The following ITGB8 variants were observed in gnomAD, a reference collection of about 807,000 sequenced individuals.
ITGB8 encodes the protein integrin beta-8.
Under a neutral mutation model 89.5 loss-of-function variants are expected in ITGB8, and 30 were observed. The ratio of observed to expected loss-of-function variants is 0.34; its 90% CI spans 0.25 to 0.45. The LOEUF (loss-of-function observed/expected upper bound fraction) is 0.45, where lower values mean the gene tolerates loss of function less well. Among genes scored for constraint, ITGB8 ranks in the 20% least tolerant of loss-of-function variants. The pLI, the probability that ITGB8 is intolerant of heterozygous loss-of-function variation, is 1.00. For synonymous variants in ITGB8, 335 were observed against 320.4 expected (o/e 1.05, Z -0.49); for missense variants, 836 against 933.3 (o/e 0.90, Z 1.36).
At chr7:20,403,660 G>A (rs560893505) in intron 10 of ITGB8, among the ~76,000 whole-genome samples, 2 of 152,112 alleles carry the variant, frequency 1.3e-5, no homozygotes, top group South Asian at 4.2e-4. Flanking sequence ...TGGTCCTACA[G>A]TAGAATCTGT....
At chr7:20,401,304 A>G (rs1787302069) in intron 9 of ITGB8, among the ~76,000 whole-genome samples, 1 of 152,160 alleles carries the variant, frequency 6.6e-6, no homozygotes, top group Non-Finnish European at 1.5e-5. Flanking sequence ...AAACCAGTAG[A>G]GCAGAAGCCC....
chr7:20,352,746 A>C (rs558591026), intron 1 of ITGB8: 2 of 152,316 alleles, frequency 1.3e-5, no homozygotes, highest in African/African-American at 4.8e-5. Flanking sequence ...TCATTCAACA[A>C]CACCAGAATA....
chr7:20,407,401 C>A (rs76212437), intron 12 of ITGB8, among the ~76,000 whole-genome samples: 5 of 151,654 alleles, frequency 3.3e-5, no homozygotes, highest in Non-Finnish European at 5.9e-5. Context: ...GAACCCAGAA[C>A]CTTACTTTGC....
rs1159160472 is a variant in ITGB8, at chr7:20,409,991, C to T, written c.2304C>T (p.Asn768=). 6.2e-7 allele frequency: 1 copy of T among 1,605,486 alleles called. No individual in the cohort carries two copies. The highest frequency in any genetic ancestry group is 8.5e-7 in the Non-Finnish European group (1 of 1,177,664). Residue 768 remains asparagine (N), a synonymous_variant, in exon 14 of 14, where the codon AAC becomes AAT. Coordinates refer to ENST00000222573, the MANE Select transcript of ITGB8 (RefSeq NM_002214.3). ...KLNAHETFRC[N]F is the part of the protein sequence containing the mutation. ...ATGCTCATGAAACTTTCAGGTGCAACTTCTAAAAAAAGATTTTTAAACACT... is the reference window on the plus strand; with the variant it reads ...ATGCTCATGAAACTTTCAGGTGCAATTTCTAAAAAAAGATTTTTAAACACT...
chr7:20,342,177 G>A (rs1013303906), intron 1 of ITGB8, among the ~76,000 whole-genome samples: 45 of 152,286 alleles, frequency 3.0e-4, no homozygotes, highest in African/African-American at 1.0e-3. Flanking sequence ...AAGCTCCAGA[G>A]GACGTAAGAA....
intron 3 of ITGB8, among the ~76,000 whole-genome samples, chr7:20,376,384 C>A (rs1786145280): frequency 6.6e-6 from 1 of 152,050 alleles, no homozygotes; most frequent in South Asian, 2.1e-4. Context: ...AAAATTATGC[C>A]CAGGCATCTT....
chr7:20,399,195 G>A (rs1211606027), intron 9 of ITGB8: 2 of 553,966 alleles, frequency 3.6e-6, no homozygotes, highest in Non-Finnish European at 6.3e-6. Context: ...CAACTCTCAG[G>A]TTTTAATATG....
Position 20,413,656 on chromosome 7 carries a change from T to A in ITGB8, c.*3659T>A, listed in dbSNP as rs990845631. 1 of 152,096 alleles carries A rather than the reference T, an allele frequency of 6.6e-6. No homozygotes were observed. Among genetic ancestry groups the A allele is most frequent in the Admixed American group, 6.5e-5 (1 of 15,270 alleles). The allele number at this position is 152,096 out of a possible 1,614,324, so 9.4% of individuals were successfully genotyped here. A position where few individuals can be genotyped will look rare whatever the true frequency, so the allele number is the denominator to read the frequency against. On this transcript the variant is annotated 3_prime_UTR_variant, in exon 14 of 14. Transcript: ENST00000222573. Reference sequence around the variant, plus strand: ...GTTCTTCATTTCCAGACATCTTTAATTGATCTTAAAGCTCATTTGAGTCTT... The same window carrying A: ...GTTCTTCATTTCCAGACATCTTTAAATGATCTTAAAGCTCATTTGAGTCTT...
intron 3 of ITGB8, among the ~76,000 whole-genome samples, chr7:20,375,215 A>AT (rs1188933794): frequency 2.0e-5 from 3 of 152,172 alleles, no homozygotes; most frequent in Non-Finnish European, 4.4e-5. Context: ...GAAAAAAAAA[A>AT]GGAAATGTTA....
chr7:20,402,229 T>A, intron 10 of ITGB8, 103 bp downstream of exon 10: 1 of 1,032,368 alleles, frequency 9.7e-7, no homozygotes, highest in Non-Finnish European at 1.4e-6. Flanking sequence ...CAAAACTGAA[T>A]CTGAATTTGT....
chr7:20,406,125 C>G lies in ITGB8; in HGVS notation c.1977C>G (p.Thr659=). 6.2e-7 allele frequency: 1 copy of G among 1,613,270 alleles called. No individual in the cohort carries two copies. Among genetic ancestry groups the G allele is most frequent in the Non-Finnish European group, 8.5e-7 (1 of 1,179,244 alleles). Residue 659 remains threonine, a synonymous_variant, in exon 12 of 14, where the codon ACC becomes ACG. Coordinates refer to ENST00000222573, the MANE Select transcript of ITGB8 (RefSeq NM_002214.3). ...LSQAILDQCK[T]SCALMEQQHY... is the part of the protein sequence containing the mutation. ...AGGCTATACTTGATCAGTGCAAAAC[C>G]TCATGTGCTCTCATGGAACAACAGC...
chr7:20,374,762 T>A (rs1786067925), intron 3 of ITGB8, among the ~76,000 whole-genome samples: 1 of 152,184 alleles, frequency 6.6e-6, no homozygotes, highest in Non-Finnish European at 1.5e-5. Context: ...TTTGTCTTGC[T>A]AGAGCTAAAG....
In ITGB8 at chr7:20,338,845, AAAT is replaced by A. The variant is rs369994245; in HGVS notation, c.127+6913_127+6915del. The stretch of plus-strand genomic sequence containing the variant: ...TGCAAATCATGTTACAATGAGAGTC[AAAT>A]GTATGCATAGTCTTAATTTAGTTTT... On this transcript the variant is annotated intron_variant, in intron 1 of 13. Transcript: ENST00000222573. Among the ~76,000 whole-genome samples the A allele has an allele frequency of 2.4e-4, 37 of 152,328 alleles. No individual in the cohort carries two copies. In the East Asian group the frequency reaches 5.0e-3, roughly 21 times the overall value.
chr7:20,405,610 G>A (rs6950569), intron 11 of ITGB8, among the ~76,000 whole-genome samples: 100,082 of 151,576 alleles, frequency 0.66, 33,893 homozygotes, highest in East Asian at 0.99. Flanking sequence ...GAGCCACTGC[G>A]CCCGGCCTTA....
chr7:20,376,434 G>A (rs1216066598), intron 3 of ITGB8, among the ~76,000 whole-genome samples: 2 of 152,088 alleles, frequency 1.3e-5, no homozygotes, highest in Non-Finnish European at 2.9e-5. Flanking sequence ...ATGAGATCAC[G>A]TACAAAGGTT....
intron 12 of ITGB8, 77 bp from the exon 13 acceptor site, chr7:20,409,538 G>A: frequency 1.1e-6 from 1 of 943,714 alleles, no homozygotes; most frequent in Non-Finnish European, 1.6e-6. Flanking sequence ...ATTGAAGTGT[G>A]AACATTATTT....
chr7:20,363,622 T>G lies in ITGB8; in HGVS notation c.128-15T>G, dbSNP rs769095409. On this transcript the variant is annotated splice_polypyrimidine_tract_variant and intron_variant, in intron 1 of 13. Transcript: ENST00000222573. Reference sequence around the variant, plus strand: ...TTTTGAGAGTAAATTATAACTGTTTTCTCCTTCATTGCAGAAGACAATAGA... The same window carrying G: ...TTTTGAGAGTAAATTATAACTGTTTGCTCCTTCATTGCAGAAGACAATAGA... 1.3e-6 allele frequency: 2 copies of G among 1,506,766 alleles called. No homozygotes were observed. Among genetic ancestry groups the G allele is most frequent in the South Asian group, 2.5e-5 (2 of 79,606 alleles). 93.3% of individuals were successfully genotyped at this position (1,506,766 alleles called of 1,614,324 possible). A position where few individuals can be genotyped will look rare whatever the true frequency, so the allele number is the denominator to read the frequency against.
intron 6 of ITGB8, among the ~76,000 whole-genome samples, chr7:20,382,935 A>G (rs769727802): frequency 2.0e-5 from 3 of 152,230 alleles, no homozygotes; most frequent in Admixed American, 1.3e-4. Flanking sequence ...TGTAATCTTA[A>G]AACTATGAAC....
chr7:20,330,243 G>A (rs1427847088), upstream of ITGB8, among the ~76,000 whole-genome samples: 2 of 152,216 alleles, frequency 1.3e-5, no homozygotes, highest in Non-Finnish European at 2.9e-5. Flanking sequence ...CAAAGGCTAG[G>A]GACACCGGGG....
Sources: gnomAD v4.1 joint callset for allele counts (sites outside exome capture counted in the v4.1 genomes callset) on GRCh38, gnomAD v4.1.1 for gene constraint, MANE v1.5 for transcripts, NCBI Gene and HGNC (gene_info 2026-07-23, HGNC 2026-07-21) for gene names.